INPP4B: variants seen among roughly 807,000 people sequenced by gnomAD.
INPP4B encodes inositol polyphosphate 4-phosphatase type II.
INPP4B carries 55 observed loss-of-function variants against 122.5 expected under a neutral mutation model. The ratio of observed to expected loss-of-function variants is 0.45; its 90% CI spans 0.36 to 0.56. INPP4B has a LOEUF of 0.56. Ranked by LOEUF, INPP4B falls within the 20% of genes least tolerant of loss-of-function variation. The pLI is 0.00. For missense variants in INPP4B, 1,000 were observed against 1,097.7 expected (o/e 0.91, Z 1.26); for synonymous variants, 403 against 388.7 (o/e 1.04, Z -0.43).
intron 2 of INPP4B, among the ~76,000 whole-genome samples, chr4:142,510,070 A>G (rs990247494): frequency 2.6e-5 from 4 of 152,206 alleles, no homozygotes; most frequent in Non-Finnish European, 5.9e-5. Flanking sequence ...GATCCAGATA[A>G]TCCAGTTTGT....
chr4:142,263,569 A>T (rs1201010609), intron 10 of INPP4B, among the ~76,000 whole-genome samples: 4 of 148,138 alleles, frequency 2.7e-5, no homozygotes, highest in Non-Finnish European at 6.0e-5. Flanking sequence ...ACGAAAATAG[A>T]CAAATAGTTT....
Position 142,208,490 on chromosome 4 carries a change from G to C in INPP4B, c.1007C>G (p.Thr336Arg). ...TAGATTTATTGGAACAAATTCTAAT[G>C]TTTTCTCTCCTTTGCTGCTGCTTGA... Reference protein sequence around the residue: ...FKSSSSKGEKTLEFVPINLHL... With the variant: ...FKSSSSKGEKRLEFVPINLHL... The change falls in exon 14 of 26, where the codon ACA becomes AGA. Residue 336 changes from threonine to arginine, a missense_variant. By Grantham distance (71) the Thr-to-Arg change is moderately conservative. Coordinates refer to ENST00000262992, the MANE Select transcript of INPP4B (RefSeq NM_001101669.3). The C allele has an allele frequency of 6.2e-7, 1 of 1,601,574 alleles. No homozygotes were observed. The highest frequency in any genetic ancestry group is 8.5e-7 in the Non-Finnish European group (1 of 1,173,616).
intron 7 of INPP4B, among the ~76,000 whole-genome samples, chr4:142,366,957 G>A (rs1286830101): frequency 6.6e-6 from 1 of 152,142 alleles, no homozygotes; most frequent in Admixed American, 6.6e-5. Flanking sequence ...AAGGATGCAA[G>A]AAGTGCTAGT....
intron 18 of INPP4B, 110 bp from the exon 19 acceptor site, chr4:142,124,870 C>T (rs1475806398): frequency 1.6e-5 from 13 of 803,354 alleles, no homozygotes; most frequent in Non-Finnish European, 2.4e-5. Flanking sequence ...TAGACATATT[C>T]TTAAGGATTC....
intron 8 of INPP4B, among the ~76,000 whole-genome samples, chr4:142,307,416 C>G (rs1276646177): frequency 6.6e-6 from 1 of 152,138 alleles, no homozygotes; most frequent in East Asian, 1.9e-4. Context: ...AATTGAAGCT[C>G]TACAAAGAGC....
chr4:142,193,889 T>C (rs957040925), intron 14 of INPP4B, among the ~76,000 whole-genome samples: 1 of 152,186 alleles, frequency 6.6e-6, no homozygotes, highest in Non-Finnish European at 1.5e-5. Context: ...CATATTAAGT[T>C]TATGGCTTCA....
At chr4:142,517,394 G>A (rs1252320729) in intron 2 of INPP4B, among the ~76,000 whole-genome samples, 3 of 152,028 alleles carry the variant, frequency 2.0e-5, no homozygotes, top group Non-Finnish European at 4.4e-5. Context: ...TTGTAAATCA[G>A]ACACTTAGCC....
chr4:142,367,533 C>T (rs933024546), intron 7 of INPP4B, among the ~76,000 whole-genome samples: 9 of 152,042 alleles, frequency 5.9e-5, no homozygotes, highest in South Asian at 4.1e-4. Flanking sequence ...CTCCATTTCA[C>T]GAAGAGGAAA....
At chr4:142,674,075 C>T (rs1256865397) in intron 2 of INPP4B, among the ~76,000 whole-genome samples, 1 of 152,130 alleles carries the variant, frequency 6.6e-6, no homozygotes, top group Non-Finnish European at 1.5e-5. Flanking sequence ...TAAGCCCTTT[C>T]CCTTCTCTGA....
chr4:142,658,550 G>T (rs1010864246), intron 2 of INPP4B, among the ~76,000 whole-genome samples: 2 of 152,184 alleles, frequency 1.3e-5, no homozygotes, highest in African/African-American at 4.8e-5. Flanking sequence ...GTTTGTCTCT[G>T]CCTGGTTCCT....
intron 1 of INPP4B, among the ~76,000 whole-genome samples, chr4:142,787,529 T>C (rs777278707): frequency 6.6e-6 from 1 of 152,046 alleles, no homozygotes; most frequent in Non-Finnish European, 1.5e-5. Flanking sequence ...GGTATTGTGT[T>C]TTAGCAGCAC....
At chr4:142,788,334 G>A (rs1398282611) in intron 1 of INPP4B, among the ~76,000 whole-genome samples, 1 of 152,026 alleles carries the variant, frequency 6.6e-6, no homozygotes, top group Non-Finnish European at 1.5e-5. Context: ...AAGAATAGAA[G>A]ATGGACTTTC....
chr4:142,752,577 A>G (rs1769894802), intron 1 of INPP4B, among the ~76,000 whole-genome samples: 1 of 152,122 alleles, frequency 6.6e-6, no homozygotes, highest in Non-Finnish European at 1.5e-5. Context: ...TTAAGCAACC[A>G]GCTGAGGAAA....
intron 2 of INPP4B, among the ~76,000 whole-genome samples, chr4:142,491,212 T>C (rs1560717417): frequency 1.3e-5 from 2 of 152,182 alleles, no homozygotes; most frequent in African/African-American, 4.8e-5. Context: ...AAGAATAAAA[T>C]TGTATCTTTA....
chr4:142,425,937 T>C (rs1023697415), intron 5 of INPP4B, among the ~76,000 whole-genome samples: 8 of 152,102 alleles, frequency 5.3e-5, no homozygotes, highest in Non-Finnish European at 8.8e-5. Flanking sequence ...TATTTTATTG[T>C]ACCCCATATC....
intron 1 of INPP4B, among the ~76,000 whole-genome samples, chr4:142,727,696 C>A (rs1432661170): frequency 6.6e-6 from 1 of 152,096 alleles, no homozygotes; most frequent in Non-Finnish European, 1.5e-5. Flanking sequence ...GCCTGGGCAA[C>A]ATGGCAAGGC....
intron 1 of INPP4B, among the ~76,000 whole-genome samples, chr4:142,778,468 T>C (rs1182365443): frequency 6.6e-6 from 1 of 152,176 alleles, no homozygotes; most frequent in Non-Finnish European, 1.5e-5. Context: ...TAAAGTTTTA[T>C]AGCACAAATT....
At chr4:142,155,088 G>A (rs1299225615) in intron 17 of INPP4B, among the ~76,000 whole-genome samples, 1 of 151,562 alleles carries the variant, frequency 6.6e-6, no homozygotes, top group East Asian at 1.9e-4. Flanking sequence ...GGAAGTAAAT[G>A]GCCATATTTT....
intron 1 of INPP4B, among the ~76,000 whole-genome samples, chr4:142,780,522 GGCAC>G (rs1200824680): frequency 6.6e-6 from 1 of 152,146 alleles, no homozygotes; most frequent in African/African-American, 2.4e-5. Context: ...TTCCAGGCCA[GGCAC>G]GGTGGCTCAC....
Sources: allele counts gnomAD v4.1 joint callset (sites outside exome capture counted in the v4.1 genomes callset), GRCh38; gene constraint gnomAD v4.1.1; transcripts MANE v1.5; gene names NCBI Gene and HGNC (gene_info 2026-07-23, HGNC 2026-07-21).